Variants in SEPTIN10 observed in about 807,000 individuals in gnomAD.
SEPTIN10 encodes septin-10.
SEPTIN10 carries 66 observed loss-of-function variants against 54.8 expected under a neutral mutation model. The observed-to-expected ratio is 1.21, with a 90% confidence interval of 0.99 to 1.48. The LOEUF is 1.48. Ranked by LOEUF, SEPTIN10 falls within the 40% of genes most tolerant of loss-of-function variation. SEPTIN10 has a pLI of 0.00. For synonymous variants in SEPTIN10, 161 were observed against 181.0 expected (o/e 0.89, Z 0.89); for missense variants, 620 against 545.6 (o/e 1.14, Z -1.36).
At chr2:109,571,997 T>C (rs1688501591) in intron 5 of SEPTIN10, among the ~76,000 whole-genome samples, 1 of 152,244 alleles carries the variant, frequency 6.6e-6, no homozygotes, top group African/African-American at 2.4e-5. Flanking sequence ...TGTTAATTTT[T>C]AAATAAGTTT....
chr2:109,602,010 A>T (rs1001093148), intron 1 of SEPTIN10, among the ~76,000 whole-genome samples: 6 of 152,186 alleles, frequency 3.9e-5, no homozygotes, highest in Non-Finnish European at 7.3e-5. Flanking sequence ...AGATTTTGAC[A>T]CAAGGAAGGG....
At chr2:109,610,474 G>A (rs1699016282) in intron 1 of SEPTIN10, among the ~76,000 whole-genome samples, 1 of 152,176 alleles carries the variant, frequency 6.6e-6, no homozygotes, top group Non-Finnish European at 1.5e-5. Context: ...CAACACTTCG[G>A]GAGACTGAGA....
At chr2:109,610,973 G>C (rs1024876603) in intron 1 of SEPTIN10, among the ~76,000 whole-genome samples, 1 of 152,188 alleles carries the variant, frequency 6.6e-6, no homozygotes, top group African/African-American at 2.4e-5. Flanking sequence ...GACTTACACA[G>C]CTACAGGAAT....
chr2:109,577,160 C>G (rs779266461), intron 4 of SEPTIN10, among the ~76,000 whole-genome samples: 10 of 152,044 alleles, frequency 6.6e-5, no homozygotes, highest in Non-Finnish European at 1.0e-4. Context: ...AATGATATTT[C>G]CAATGGAAGA....
chr2:109,603,381 C>T (rs1323934692), intron 1 of SEPTIN10, among the ~76,000 whole-genome samples: 1 of 151,958 alleles, frequency 6.6e-6, no homozygotes, highest in East Asian at 1.9e-4. Flanking sequence ...ACTACAGGCA[C>T]ACACCGCCAC....
chr2:109,545,650 C>A, intron 10 of SEPTIN10: 4 of 1,496,010 alleles, frequency 2.7e-6, no homozygotes, highest in Non-Finnish European at 3.5e-6. Context: ...TATAATTCCC[C>A]AACAAAGGGC....
chr2:109,559,485 A>C (rs1386521570), intron 8 of SEPTIN10, among the ~76,000 whole-genome samples: 1 of 152,160 alleles, frequency 6.6e-6, no homozygotes, highest in Non-Finnish European at 1.5e-5. Flanking sequence ...CTCCCTTTCT[A>C]ATTTCCCCTT....
rs186509010 is a variant in SEPTIN10 at position 109,553,053 on chromosome 2, A to T, written c.1161+34T>A. 1.6e-4 allele frequency: 248 copies of T among 1,594,334 alleles called. No homozygotes were observed. The African/African-American group carries it at 3.0e-3, about 20-fold the overall frequency. On this transcript the variant is annotated intron_variant, in intron 9 of 10. Transcript: ENST00000397712. The stretch of plus-strand genomic sequence containing the variant: ...TCCAAATTAATAGGACATCTAAAAA[A>T]TAAATGCAAATCACATCAAACCAGC...
At chr2:109,593,925 ATTT>A (rs1694688414) in intron 1 of SEPTIN10, among the ~76,000 whole-genome samples, 1 of 152,124 alleles carries the variant, frequency 6.6e-6, no homozygotes, top group Admixed American at 6.6e-5. Context: ...CATTAAGTTT[ATTT>A]TCTTATTTAA....
At chr2:109,579,753 T>C (rs952018565) in intron 4 of SEPTIN10, among the ~76,000 whole-genome samples, 2 of 152,248 alleles carry the variant, frequency 1.3e-5, no homozygotes, top group Admixed American at 6.5e-5. Flanking sequence ...TATGCAAATT[T>C]TTCCAGAAAA....
chr2:109,598,357 T>G (rs557916801), intron 1 of SEPTIN10, among the ~76,000 whole-genome samples: 1 of 151,928 alleles, frequency 6.6e-6, no homozygotes, highest in Non-Finnish European at 1.5e-5. Flanking sequence ...CGTGAGCCAC[T>G]GCGCCCGGCC....
At chr2:109,561,069 C>T (rs1257763465) in intron 8 of SEPTIN10, among the ~76,000 whole-genome samples, 1 of 139,746 alleles carries the variant, frequency 7.2e-6, no homozygotes, top group Non-Finnish European at 1.5e-5. Context: ...GCGTTGCCTT[C>T]CCCTTAGGAC....
intron 1 of SEPTIN10, among the ~76,000 whole-genome samples, chr2:109,611,226 A>T (rs977549745): frequency 5.9e-5 from 9 of 152,246 alleles, no homozygotes; most frequent in African/African-American, 9.6e-5. Flanking sequence ...ATAAACTATA[A>T]AACTTTTAGG....
intron 6 of SEPTIN10, 22 bp from the exon 7 acceptor site, chr2:109,565,881 A>C (rs1686890371): frequency 6.4e-7 from 1 of 1,572,802 alleles, no homozygotes; most frequent in African/African-American, 1.3e-5. Flanking sequence ...TATCGAGCAC[A>C]TCTTCTCATA....
At chr2:109,599,820 T>G (rs974928208) in intron 1 of SEPTIN10, among the ~76,000 whole-genome samples, 1 of 152,198 alleles carries the variant, frequency 6.6e-6, no homozygotes, top group Non-Finnish European at 1.5e-5. Flanking sequence ...ATTTTAAAAT[T>G]ACTCCTCCTA....
chr2:109,549,951 G>C (rs895501373), intron 9 of SEPTIN10, among the ~76,000 whole-genome samples: 18 of 152,138 alleles, frequency 1.2e-4, no homozygotes, highest in African/African-American at 4.3e-4. Flanking sequence ...GTGTAAAGGG[G>C]GACTACTGTA....
At chr2:109,568,659 T>C (rs1297952429) in intron 5 of SEPTIN10, among the ~76,000 whole-genome samples, 2 of 57,150 alleles carry the variant, frequency 3.5e-5, no homozygotes, top group East Asian at 3.9e-4. Flanking sequence ...TGATAAAAGG[T>C]AAACTGAATT....
At chr2:109,552,217 G>A (rs1683139874) in intron 9 of SEPTIN10, among the ~76,000 whole-genome samples, 1 of 152,200 alleles carries the variant, frequency 6.6e-6, no homozygotes, top group South Asian at 2.1e-4. Context: ...TGGAAAAACT[G>A]TCTTCCAGGA....
At chr2:109,573,495 T>C (rs1202674102) in intron 5 of SEPTIN10, among the ~76,000 whole-genome samples, 1 of 152,212 alleles carries the variant, frequency 6.6e-6, no homozygotes, top group African/African-American at 2.4e-5. Context: ...TCATATAAGC[T>C]ACATCAATTT....
Sources: allele counts gnomAD v4.1 joint callset (sites outside exome capture counted in the v4.1 genomes callset), GRCh38; gene constraint gnomAD v4.1.1; transcripts MANE v1.5; gene names NCBI Gene and HGNC (gene_info 2026-07-23, HGNC 2026-07-21).